ANKRD33B: variants seen among roughly 807,000 people sequenced by gnomAD.
ANKRD33B encodes ankyrin repeat domain-containing protein 33B.
A neutral mutation model predicts 21.5 loss-of-function variants in ANKRD33B; 6 were observed. That is an observed-to-expected ratio of 0.28 (90% CI 0.15 to 0.55). The LOEUF (loss-of-function observed/expected upper bound fraction) is 0.55. ANKRD33B is among the 20% of genes least tolerant of loss of function. The pLI is 0.94. For synonymous variants in ANKRD33B, 347 were observed against 342.4 expected (o/e 1.01, Z -0.15); for missense variants, 698 against 747.2 (o/e 0.93, Z 0.77).
chr5:10,649,127 G>GAACT, intron 3 of ANKRD33B, 139 bp from the exon 4 acceptor site: 3 of 1,409,432 alleles, frequency 2.1e-6, no homozygotes. Flanking sequence ...TTCGCAGAGT[G>GAACT]AACTAGGTGC....
chr5:10,582,771 G>A (rs756701393), intron 1 of ANKRD33B, among the ~76,000 whole-genome samples: 3 of 152,192 alleles, frequency 2.0e-5, no homozygotes, highest in Non-Finnish European at 2.9e-5. Flanking sequence ...TGGACTTCCC[G>A]TGGGCTCCTT....
rs1006262189 is a variant in ANKRD33B at position 10,624,429 on chromosome 5, C to CT, written c.496+5975dup. 3.3e-5 allele frequency among the ~76,000 whole-genome samples: 5 copies of CT among 151,814 alleles called. 1 individual carries two copies. The highest frequency in any genetic ancestry group is 4.8e-5 in the African/African-American group (2 of 41,394). On this transcript the variant is annotated intron_variant, in intron 2 of 3. Coordinates refer to ENST00000296657, the MANE Select transcript of ANKRD33B (RefSeq NM_001164440.2). ...ACAGGCGTGAGCCGCCGGGCCTGGC[C>CT]TTTTTTTTCTTTTTTACTGGCTTTT...
At chr5:10,608,027 CTT>C (rs1736087377) in intron 1 of ANKRD33B, among the ~76,000 whole-genome samples, 1 of 152,030 alleles carries the variant, frequency 6.6e-6, no homozygotes, top group Non-Finnish European at 1.5e-5. Flanking sequence ...CTGAATTTGA[CTT>C]TTAAAACGAA....
rs188450490 is a variant in ANKRD33B at position 10,655,930 on chromosome 5, C to A, written c.*5817C>A. The A allele has an allele frequency of 7.9e-5, 12 of 152,350 alleles. No individual in the cohort carries two copies. The highest frequency in any genetic ancestry group is 1.8e-4 in the Non-Finnish European group (12 of 68,048). The allele number at this position is 152,350 out of a possible 1,614,324, so 9.4% of individuals were successfully genotyped here. A position where few individuals can be genotyped will look rare whatever the true frequency, so the allele number is the denominator to read the frequency against. On this transcript the variant is annotated 3_prime_UTR_variant, in exon 4 of 4. Coordinates refer to ENST00000296657, the MANE Select transcript of ANKRD33B (RefSeq NM_001164440.2). ...ACGGTCCAGGGAAGGACAGGTGGGACCCTGACCATGACAGATCTTTCTAAA... is the reference window on the plus strand; with the variant it reads ...ACGGTCCAGGGAAGGACAGGTGGGAACCTGACCATGACAGATCTTTCTAAA...
intron 1 of ANKRD33B, among the ~76,000 whole-genome samples, chr5:10,611,890 G>C (rs530456788): frequency 1.3e-5 from 2 of 152,300 alleles, no homozygotes; most frequent in East Asian, 3.9e-4. Flanking sequence ...CCAGTGCCTA[G>C]TGTAGTGTGG....
At position 10,649,669 on chromosome 5, in the gene ANKRD33B, G is replaced by A. The variant is rs1260932801; in HGVS notation, c.1041G>A (p.Ala347=). ...KRRLAVQEIL[A]ARAARGPQAQ... is the part of the protein sequence containing the mutation. ...GGCTGGCGGTGCAGGAGATCCTGGC[G>A]GCGCGGGCTGCACGGGGCCCCCAGG... is the stretch of plus-strand genomic sequence containing the variant. Residue 347 remains alanine (A), a synonymous_variant, in exon 4 of 4, where the codon GCG becomes GCA. Transcript: ENST00000296657. 2.0e-6 allele frequency: 3 copies of A among 1,529,298 alleles called. No individual in the cohort carries two copies. Among genetic ancestry groups the A allele is most frequent in the Admixed American group, 2.0e-5 (1 of 50,726 alleles). 94.7% of individuals were successfully genotyped at this position (1,529,298 alleles called of 1,614,324 possible). A position where few individuals can be genotyped will look rare whatever the true frequency, so the allele number is the denominator to read the frequency against.
chr5:10,594,051 T>C (rs1735764820), intron 1 of ANKRD33B, among the ~76,000 whole-genome samples: 1 of 151,990 alleles, frequency 6.6e-6, no homozygotes, highest in East Asian at 1.9e-4. Context: ...TCACGGGGAT[T>C]TTCTCTCCTC....
intron 3 of ANKRD33B, among the ~76,000 whole-genome samples, chr5:10,646,690 G>T (rs944137778): frequency 3.3e-5 from 5 of 152,024 alleles, no homozygotes; most frequent in African/African-American, 1.2e-4. Context: ...TCTATTTTTT[G>T]CAATGACACT....
At chr5:10,631,600 A>T (rs1291562673) in intron 2 of ANKRD33B, among the ~76,000 whole-genome samples, 1 of 152,218 alleles carries the variant, frequency 6.6e-6, no homozygotes, top group Non-Finnish European at 1.5e-5. Context: ...GAAGAACAAG[A>T]CAGAAGAACA....
chr5:10,615,942 A>C (rs533773518), intron 1 of ANKRD33B, among the ~76,000 whole-genome samples: 126 of 152,346 alleles, frequency 8.3e-4, no homozygotes, highest in African/African-American at 3.0e-3. Context: ...TGAAAACCTC[A>C]GTGGCTTTTA....
intron 1 of ANKRD33B, among the ~76,000 whole-genome samples, chr5:10,589,001 C>T (rs1735625283): frequency 1.3e-5 from 2 of 152,130 alleles, no homozygotes; most frequent in Admixed American, 1.3e-4. Context: ...TATTTTGAGG[C>T]AGTCTTCACG....
chr5:10,622,077 T>G (rs1210710219), intron 2 of ANKRD33B, among the ~76,000 whole-genome samples: 1 of 152,246 alleles, frequency 6.6e-6, no homozygotes, highest in Non-Finnish European at 1.5e-5. Flanking sequence ...TAGTCTATGG[T>G]ATTTTGTCAT....
intron 1 of ANKRD33B, among the ~76,000 whole-genome samples, chr5:10,603,198 C>T (rs757523602): frequency 6.6e-5 from 10 of 152,046 alleles, no homozygotes; most frequent in Non-Finnish European, 1.2e-4. Context: ...TCTCACAGCC[C>T]GTGAATCCAC....
At chr5:10,585,028 A>T (rs1195352089) in intron 1 of ANKRD33B, among the ~76,000 whole-genome samples, 1 of 152,204 alleles carries the variant, frequency 6.6e-6, no homozygotes, top group Non-Finnish European at 1.5e-5. Flanking sequence ...GGTCAGAGGG[A>T]CTACAGCAGA....
chr5:10,598,384 A>G (rs1735861903), intron 1 of ANKRD33B, among the ~76,000 whole-genome samples: 1 of 152,108 alleles, frequency 6.6e-6, no homozygotes, highest in Non-Finnish European at 1.5e-5. Context: ...CTCCTGCCTC[A>G]GTCTCCCAGG....
chr5:10,570,903 C>CTTTTTTTT (rs11301499), intron 1 of ANKRD33B, among the ~76,000 whole-genome samples: 1 of 126,844 alleles, frequency 7.9e-6, no homozygotes. Flanking sequence ...CTCAAATAAC[C>CTTTTTTTT]TTTTTTTTTT....
At chr5:10,577,872 G>T (rs544983032) in intron 1 of ANKRD33B, among the ~76,000 whole-genome samples, 2 of 152,190 alleles carry the variant, frequency 1.3e-5, no homozygotes, top group African/African-American at 2.4e-5. Flanking sequence ...TTGCTGCACC[G>T]TGGGGTCCTT....
intron 1 of ANKRD33B, among the ~76,000 whole-genome samples, chr5:10,581,391 T>A (rs1173603115): frequency 5.3e-5 from 8 of 152,254 alleles, no homozygotes; most frequent in Non-Finnish European, 1.2e-4. Context: ...CCTGGCCCTC[T>A]GGGCTCGCCA....
chr5:10,637,304 G>A (rs1356376148), intron 2 of ANKRD33B, among the ~76,000 whole-genome samples: 2 of 152,108 alleles, frequency 1.3e-5, no homozygotes, highest in Non-Finnish European at 1.5e-5. Flanking sequence ...CCTTTTTGGA[G>A]GTGCAAGGTG....
Sources: allele counts gnomAD v4.1 joint callset (sites outside exome capture counted in the v4.1 genomes callset), GRCh38; gene constraint gnomAD v4.1.1; transcripts MANE v1.5; gene names NCBI Gene and HGNC (gene_info 2026-07-23, HGNC 2026-07-21).